Variants in DIAPH3 observed in about 807,000 individuals in gnomAD.
DIAPH3 encodes diaphanous related formin 3.
In DIAPH3, 117 loss-of-function variants were observed where a neutral mutation model predicts 144.3. That is an observed-to-expected ratio of 0.81 (90% CI 0.70 to 0.95). DIAPH3 has a LOEUF of 0.95. Among genes scored for constraint, DIAPH3 ranks in the 40% least tolerant of loss-of-function variants. The pLI, the probability that DIAPH3 is intolerant of heterozygous loss-of-function variation, is 0.00. For missense variants in DIAPH3, 1,421 were observed against 1,412.7 expected (o/e 1.01, Z -0.09); for synonymous variants, 519 against 488.9 (o/e 1.06, Z -0.81).
intron 25 of DIAPH3, among the ~76,000 whole-genome samples, chr13:59,777,935 A>G (rs569771942): frequency 4.6e-5 from 7 of 152,286 alleles, no homozygotes; most frequent in African/African-American, 1.7e-4. Flanking sequence ...CGTTATTGGG[A>G]TAACTGGAGA....
intron 27 of DIAPH3, among the ~76,000 whole-genome samples, chr13:59,675,256 C>T (rs914437999): frequency 3.3e-5 from 5 of 152,000 alleles, no homozygotes; most frequent in African/African-American, 9.7e-5. Flanking sequence ...AAAATCGAGA[C>T]GGGGTCTTGC....
Position 60,028,876 on chromosome 13 carries a change from T to C in DIAPH3, c.627-12731A>G, listed in dbSNP as rs1036325381. 3.3e-5 allele frequency among the ~76,000 whole-genome samples: 5 copies of C among 152,120 alleles called. No individual in the cohort carries two copies. In the East Asian group the frequency reaches 5.8e-4, roughly 18 times the overall value. On this transcript the variant is annotated intron_variant, in intron 5 of 27. Coordinates refer to ENST00000400324, the MANE Select transcript of DIAPH3 (RefSeq NM_001042517.2). ...GAGATCGAGACCATCCTGGCCAACA[T>C]GGTGAAACCCCATCTCTACTAAAAA...
intron 27 of DIAPH3, among the ~76,000 whole-genome samples, chr13:59,710,273 T>C (rs530627710): frequency 6.6e-6 from 1 of 150,484 alleles, no homozygotes; most frequent in East Asian, 1.9e-4. Flanking sequence ...AATAAAAATT[T>C]ATTTTGGAAA....
At chr13:59,670,490 A>G (rs1332537824) in intron 27 of DIAPH3, among the ~76,000 whole-genome samples, 1 of 152,148 alleles carries the variant, frequency 6.6e-6, no homozygotes, top group Non-Finnish European at 1.5e-5. Context: ...CTTAAACTGC[A>G]AAGCAGATAA....
At chr13:60,039,073 C>A (rs1243970538) in intron 5 of DIAPH3, among the ~76,000 whole-genome samples, 1 of 151,378 alleles carries the variant, frequency 6.6e-6, no homozygotes, top group Non-Finnish European at 1.5e-5. Context: ...CAATAAATAA[C>A]AAATAGAAGA....
At chr13:59,968,095 T>C (rs550932362) in intron 17 of DIAPH3, among the ~76,000 whole-genome samples, 7 of 152,332 alleles carry the variant, frequency 4.6e-5, no homozygotes, top group African/African-American at 1.7e-4. Flanking sequence ...TAGTATTAGA[T>C]AGAGCAAATA....
intron 27 of DIAPH3, among the ~76,000 whole-genome samples, chr13:59,674,825 G>A (rs1369796879): frequency 1.3e-5 from 2 of 152,174 alleles, no homozygotes; most frequent in African/African-American, 4.8e-5. Context: ...GTTATTGACA[G>A]CTGTCTCAGA....
intron 21 of DIAPH3, among the ~76,000 whole-genome samples, chr13:59,871,122 G>A (rs1206861558): frequency 6.7e-6 from 1 of 149,906 alleles, no homozygotes. Context: ...TTTAAATTAG[G>A]TGACCTCATA....
intron 27 of DIAPH3, among the ~76,000 whole-genome samples, chr13:59,708,543 A>C (rs2034553976): frequency 6.6e-6 from 1 of 152,116 alleles, no homozygotes; most frequent in Non-Finnish European, 1.5e-5. Flanking sequence ...CTGCTACCTG[A>C]AATTCTTTCT....
At chr13:60,105,477 G>C (rs2058392241) in intron 3 of DIAPH3, among the ~76,000 whole-genome samples, 1 of 152,078 alleles carries the variant, frequency 6.6e-6, no homozygotes, top group African/African-American at 2.4e-5. Flanking sequence ...CATTTATCTG[G>C]ATCTAGAAGA....
At chr13:59,885,490 G>C (rs941442093) in intron 20 of DIAPH3, among the ~76,000 whole-genome samples, 1 of 140,272 alleles carries the variant, frequency 7.1e-6, no homozygotes, top group Non-Finnish European at 1.5e-5. Flanking sequence ...TTATACACAC[G>C]TTGTATAATT....
At chr13:59,947,889 G>T (rs944406737) in intron 17 of DIAPH3, among the ~76,000 whole-genome samples, 1 of 152,026 alleles carries the variant, frequency 6.6e-6, no homozygotes, top group Non-Finnish European at 1.5e-5. Context: ...CATAGGGAAG[G>T]GAATTTAGAA....
chr13:59,954,925 C>T (rs1057007149), intron 17 of DIAPH3, among the ~76,000 whole-genome samples: 3 of 151,938 alleles, frequency 2.0e-5, no homozygotes, highest in Non-Finnish European at 4.4e-5. Flanking sequence ...CCACTAGGTC[C>T]CATCTCCAAC....
intron 4 of DIAPH3, among the ~76,000 whole-genome samples, 188 bp from the exon 5 acceptor site, chr13:60,043,008 A>G (rs990244067): frequency 5.3e-5 from 8 of 152,248 alleles, no homozygotes; most frequent in Admixed American, 2.0e-4. Context: ...TATCCACAAA[A>G]GATAGTAATA....
At chr13:60,001,619 T>C (rs992298406) in intron 9 of DIAPH3, among the ~76,000 whole-genome samples, 7 of 152,222 alleles carry the variant, frequency 4.6e-5, no homozygotes, top group African/African-American at 1.7e-4. Context: ...ACACTTTCCT[T>C]CCAGGAGCAC....
intron 3 of DIAPH3, among the ~76,000 whole-genome samples, chr13:60,110,695 A>AG (rs2058543485): frequency 1.3e-5 from 2 of 152,194 alleles, no homozygotes; most frequent in South Asian, 4.1e-4. Context: ...CAACAATTTC[A>AG]TTTTATTTCT....
chr13:60,096,457 T>C (rs978547525), intron 3 of DIAPH3, among the ~76,000 whole-genome samples: 16 of 152,318 alleles, frequency 1.1e-4, no homozygotes, highest in Admixed American at 6.5e-4. Context: ...TTGTTATTTT[T>C]GGGGGTTGGT....
At chr13:59,955,613 T>C (rs535394638) in intron 17 of DIAPH3, among the ~76,000 whole-genome samples, 11 of 152,220 alleles carry the variant, frequency 7.2e-5, no homozygotes, top group African/African-American at 2.4e-4. Flanking sequence ...GGAAGCGACT[T>C]TGGAACTGGA....
intron 27 of DIAPH3, among the ~76,000 whole-genome samples, chr13:59,707,170 C>G (rs535643685): frequency 1.3e-5 from 2 of 152,194 alleles, no homozygotes; most frequent in African/African-American, 4.8e-5. Flanking sequence ...TACTAAGCTC[C>G]AAGTTTAAGT....
Sources: allele counts gnomAD v4.1 joint callset (sites outside exome capture counted in the v4.1 genomes callset), GRCh38; gene constraint gnomAD v4.1.1; transcripts MANE v1.5; gene names NCBI Gene and HGNC (gene_info 2026-07-23, HGNC 2026-07-21).